Variants in SCAI observed in about 807,000 individuals in gnomAD.
SCAI encodes the protein protein SCAI.
A neutral mutation model predicts 92.2 loss-of-function variants in SCAI; 24 were observed. The observed-to-expected ratio is 0.26, with a 90% CI of 0.19 to 0.37. The LOEUF is 0.37. Ranked by LOEUF, SCAI falls within the 10% of genes least tolerant of loss-of-function variation. The pLI is 1.00. For synonymous variants in SCAI, 261 were observed against 258.6 expected (o/e 1.01, Z -0.09); for missense variants, 450 against 736.2 (o/e 0.61, Z 4.50).
At position 125,091,739 on chromosome 9, in the gene SCAI, T is replaced by C. The variant is rs1834431412; in HGVS notation, c.99-35732A>G. Among the ~76,000 whole-genome samples the C allele has an allele frequency of 6.6e-6, 1 of 152,186 alleles. No individual in the cohort carries two copies. The highest frequency in any genetic ancestry group is 1.5e-5 in the Non-Finnish European group (1 of 68,030). ...CCAGAGCCCTATCTCACACTTTCTC[T>C]TCTCTCCTCAAACATCCAACATCTC... On this transcript the variant is annotated intron_variant, in intron 2 of 17. Transcript: ENST00000336505. The surrounding 1 kb of genome is among the most constrained non-coding windows in gnomAD (Gnocchi z 4.3).
At chr9:124,970,723 CTAAA>C (rs368859826) in intron 17 of SCAI, among the ~76,000 whole-genome samples, 1 of 151,842 alleles carries the variant, frequency 6.6e-6, no homozygotes, top group Non-Finnish European at 1.5e-5. Context: ...AACTCCATCT[CTAAA>C]TAAATAAATA....
Position 124,994,988 on chromosome 9 carries a change from G to A in SCAI, c.1272C>T (p.Phe424=). 1.2e-6 allele frequency: 2 copies of A among 1,612,372 alleles called. No individual in the cohort carries two copies. The highest frequency in any genetic ancestry group is 1.7e-6 in the Non-Finnish European group (2 of 1,179,332). The change falls in exon 14 of 18, where the codon TTC becomes TTT. Residue 424 remains phenylalanine (F), a synonymous_variant. Coordinates refer to ENST00000336505, the MANE Select transcript of SCAI (RefSeq NM_001144877.3). Reference sequence around the variant, plus strand: ...CAATGATGAACAGTGGCTTCCTGGTGAAAGGATAGAGATCCCCGGGATGAA... The same window carrying A: ...CAATGATGAACAGTGGCTTCCTGGTAAAAGGATAGAGATCCCCGGGATGAA... ...HCLHPGDLYP[F]TRKPLFIIVD...
chr9:125,002,177 C>A, intron 11 of SCAI, 134 bp from the exon 12 acceptor site: 1 of 647,014 alleles, frequency 1.5e-6, no homozygotes, highest in South Asian at 1.8e-5. Flanking sequence ...AGAAGAAACG[C>A]TCTTCTTGGT....
At chr9:125,002,450 A>T (rs1832379409) in intron 11 of SCAI, among the ~76,000 whole-genome samples, 2 of 150,100 alleles carry the variant, frequency 1.3e-5, no homozygotes, top group South Asian at 2.1e-4. Context: ...CCTTGACTAT[A>T]TAAGAAGCCT....
At chr9:124,982,509 T>TAAAAATAA (rs1200474938) in intron 14 of SCAI, among the ~76,000 whole-genome samples, 1 of 151,568 alleles carries the variant, frequency 6.6e-6, no homozygotes, top group Non-Finnish European at 1.5e-5. Context: ...CCATCTCTAC[T>TAAAAATAA]AAAAATAAAA....
At chr9:125,139,016 AG>A (rs1315385136) in intron 2 of SCAI, among the ~76,000 whole-genome samples, 5 of 152,114 alleles carry the variant, frequency 3.3e-5, no homozygotes, top group Non-Finnish European at 5.9e-5. Context: ...GGTGGAGCAG[AG>A]GGAGGGTGGG....
chr9:124,962,902 G>C (rs958215341), intron 17 of SCAI, among the ~76,000 whole-genome samples: 1 of 151,386 alleles, frequency 6.6e-6, no homozygotes, highest in Non-Finnish European at 1.5e-5. Context: ...AGGTTCAAGT[G>C]ATTCTCGTGT....
chr9:125,013,973 TCAA>T (rs1330760824), intron 9 of SCAI, among the ~76,000 whole-genome samples: 2 of 151,994 alleles, frequency 1.3e-5, no homozygotes, highest in African/African-American at 4.8e-5. Flanking sequence ...TTGACAAAAT[TCAA>T]CAACGCTTCA....
intron 17 of SCAI, among the ~76,000 whole-genome samples, chr9:124,954,545 T>C (rs1831284579): frequency 6.6e-6 from 1 of 152,228 alleles, no homozygotes; most frequent in African/African-American, 2.4e-5. Context: ...AGATCACTCT[T>C]CAATGTCACA....
At chr9:124,954,140 C>T (rs1831277416) in intron 17 of SCAI, among the ~76,000 whole-genome samples, 1 of 152,110 alleles carries the variant, frequency 6.6e-6, no homozygotes, top group Non-Finnish European at 1.5e-5. Flanking sequence ...TGCACCCAGC[C>T]CTAATTAGAG....
chr9:125,019,057 C>T, intron 8 of SCAI, 50 bp downstream of exon 8: 1 of 1,523,898 alleles, frequency 6.6e-7, no homozygotes, highest in Non-Finnish European at 9.0e-7. Context: ...ACATAAACTA[C>T]ACGGTCATTT....
At chr9:125,076,579 ATGGATGGC>A (rs1834094526) in intron 2 of SCAI, among the ~76,000 whole-genome samples, 1 of 145,436 alleles carries the variant, frequency 6.9e-6, no homozygotes. Flanking sequence ...AAAAGGAAAC[ATGGATGGC>A]TGGGTGGTGG....
At chr9:125,019,594 T>C (rs1832828537) in intron 7 of SCAI, among the ~76,000 whole-genome samples, 1 of 151,664 alleles carries the variant, frequency 6.6e-6, no homozygotes, top group Non-Finnish European at 1.5e-5. Context: ...GAGGCCAAGA[T>C]TTCGAGAGCA....
chr9:125,122,120 AAAGACT>A (rs1369453417), intron 2 of SCAI, among the ~76,000 whole-genome samples: 13 of 152,246 alleles, frequency 8.5e-5, no homozygotes, highest in African/African-American at 1.4e-4. Flanking sequence ...CTATATGTGA[AAAGACT>A]AAGACTAAGA....
At chr9:125,032,528 T>C (rs1833099467) in intron 3 of SCAI, among the ~76,000 whole-genome samples, 1 of 151,236 alleles carries the variant, frequency 6.6e-6, no homozygotes, top group Non-Finnish European at 1.5e-5. Context: ...TGGGATATCT[T>C]GCTATTGGTG....
At chr9:125,056,647 G>C (rs1402783022) in intron 2 of SCAI, among the ~76,000 whole-genome samples, 1 of 151,990 alleles carries the variant, frequency 6.6e-6, no homozygotes, top group East Asian at 1.9e-4. Flanking sequence ...TGATTTATTT[G>C]TCCATTTGAT....
chr9:125,023,415 T>C (rs553901499), intron 6 of SCAI, among the ~76,000 whole-genome samples: 3 of 152,352 alleles, frequency 2.0e-5, no homozygotes, highest in Admixed American at 6.5e-5. Context: ...ATCTAGCCTA[T>C]CATATTGTCG....
chr9:125,074,441 G>C (rs951036213), intron 2 of SCAI, among the ~76,000 whole-genome samples: 44 of 149,788 alleles, frequency 2.9e-4, no homozygotes, highest in South Asian at 8.7e-4. Context: ...ATTTTTAGTA[G>C]AGATGGGGGT....
chr9:124,963,762 A>AG (rs1186663257), intron 17 of SCAI, among the ~76,000 whole-genome samples: 1 of 147,424 alleles, frequency 6.8e-6, no homozygotes. Context: ...TGTCTCAAAA[A>AG]AAAAAAAAAA....
Sources: allele counts gnomAD v4.1 joint callset (sites outside exome capture counted in the v4.1 genomes callset), GRCh38; gene constraint gnomAD v4.1.1; non-coding constraint Gnocchi (gnomAD v3.1); transcripts MANE v1.5; gene names NCBI Gene and HGNC (gene_info 2026-07-23, HGNC 2026-07-21).